MAP4K1: variants seen among roughly 807,000 people sequenced by gnomAD.
The protein encoded by MAP4K1 is mitogen-activated protein kinase kinase kinase kinase 1, also known as MAPK/ERK kinase kinase kinase 1.
A neutral mutation model predicts 122.8 loss-of-function variants in MAP4K1; 35 were observed. The observed-to-expected ratio is 0.29, with a 90% CI of 0.22 to 0.38. MAP4K1 has a LOEUF of 0.38. Among genes scored for constraint, MAP4K1 ranks in the 10% least tolerant of loss-of-function variants. The probability of loss-of-function intolerance (pLI) is 1.00; values close to 1 mark genes in which losing one functional copy is unlikely to be tolerated. For synonymous variants in MAP4K1, 412 were observed against 421.3 expected, an observed-to-expected ratio of 0.98 and a Z score of 0.27; for missense variants, 791 against 1,072.6, an observed-to-expected ratio of 0.74 and a Z score of 3.67.
rs1042030777 is a variant in MAP4K1 at position 38,605,576 on chromosome 19, G to A, written c.1355C>T (p.Ala452Val). 1.2e-5 allele frequency: 19 copies of A among 1,541,112 alleles called. No individual in the cohort carries two copies. In the African/African-American group the frequency reaches 2.6e-4, roughly 21 times the overall value. Residue 452 changes from alanine (A) to valine (V), a missense_variant, in exon 18 of 31, where the codon GCC (alanine) becomes GTC (valine). By Grantham distance (64) the Ala-to-Val change is moderately conservative. This residue lies in a region of MAP4K1 where 303 missense variants were observed against 344.8 expected (regional missense o/e 0.88). Coordinates refer to ENST00000396857, the MANE Select transcript of MAP4K1 (RefSeq NM_001042600.3). ...CTAGCCTGTCCCATTACCTGAATGG[G>A]CGGTGAGGTGGGGGCTGCTGGTGGA... ...PPSTSSPHLTAHSEPSLWNPP... is the reference protein window; with the variant it reads ...PPSTSSPHLTVHSEPSLWNPP...
At position 38,610,078 on chromosome 19, in the gene MAP4K1, GCTGGTGTGGACAGAGAGGA is replaced by G. The variant is rs1442982145; in HGVS notation, c.811-72_811-54del. ...CAGAGGGATGGTGTGGACAGAGAGG[GCTGGTGTGGACAGAGAGGA>G]CTGGTACAGGGCCTTGGGGACTGGA... is the stretch of plus-strand genomic sequence containing the variant. On this transcript the variant is annotated intron_variant, in intron 11 of 30. Transcript: ENST00000396857. The G allele has an allele frequency of 2.0e-4, 263 of 1,318,262 alleles. 2 individuals carry two copies. Among genetic ancestry groups the G allele is most frequent in the Middle Eastern group, 1.6e-3 (9 of 5,498 alleles). The allele number at this position is 1,318,262 out of a possible 1,614,324, so 81.7% of individuals were successfully genotyped here. A position where few individuals can be genotyped will look rare whatever the true frequency, so the allele number is the denominator to read the frequency against.
At position 38,600,105 on chromosome 19, in the gene MAP4K1, C is replaced by T. The variant is rs759871978; in HGVS notation, c.1580G>A (p.Arg527Gln). The T allele has an allele frequency of 1.9e-6, 3 of 1,614,022 alleles. No individual in the cohort carries two copies. Among genetic ancestry groups the T allele is most frequent in the African/African-American group, 1.3e-5 (1 of 74,918 alleles). The change falls in exon 21 of 31, where the codon CGG becomes CAG. Residue 527 changes from arginine to glutamine, a missense_variant. Arg to Gln is a conservative substitution (Grantham distance 43, BLOSUM62 1). Transcript: ENST00000396857. ...GAEEGIFILN[R>Q]NDQEATLEML... ...TTCCAGCGTGGCCTCCTGGTCATTC[C>T]GGTTCAGGATGAAGATGCCTTCCTC...
intron 4 of MAP4K1, among the ~76,000 whole-genome samples, chr19:38,615,971 TAAA>T (rs746145466): frequency 4.7e-5 from 5 of 107,388 alleles, no homozygotes; most frequent in Non-Finnish European, 1.9e-5. Flanking sequence ...GCAGTTATAT[TAAA>T]AAAAAAAAAA....
At chr19:38,603,295 C>T (rs62120353) in intron 19 of MAP4K1, among the ~76,000 whole-genome samples, 29,532 of 145,158 alleles carry the variant, frequency 0.2, 3,807 homozygotes, top group East Asian at 0.37. Context: ...TACACACACA[C>T]ATACATGTAT....
In MAP4K1 at chr19:38,613,955, G is replaced by A; in HGVS notation, c.461-3C>T. Reference sequence around the variant, plus strand: ...CTGGGCCGAGATGCCAAAGTCAGCTGGAAGCAGAGGGAGACATAGTGATCT... The same window carrying A: ...CTGGGCCGAGATGCCAAAGTCAGCTAGAAGCAGAGGGAGACATAGTGATCT... On this transcript the variant is annotated splice_polypyrimidine_tract_variant and splice_region_variant and intron_variant, in intron 7 of 30. Transcript: ENST00000396857. 6.2e-7 allele frequency: 1 copy of A among 1,614,000 alleles called. No homozygotes were observed. Among genetic ancestry groups the A allele is most frequent in the Non-Finnish European group, 8.5e-7 (1 of 1,179,968 alleles).
chr19:38,589,867 A>G (rs1430964174), intron 30 of MAP4K1, among the ~76,000 whole-genome samples: 1 of 152,042 alleles, frequency 6.6e-6, no homozygotes, highest in Admixed American at 6.6e-5. Flanking sequence ...CTGTCTGTAC[A>G]AAAAATACGA....
At position 38,617,451 on chromosome 19, in the gene MAP4K1, G is replaced by A. The variant is rs761814047; in HGVS notation, c.158-7C>T. Reference sequence around the variant, plus strand: ...AGGGTGGAGACATCATCATCTGTGAGGAGGGCGGGAGAGAAAAGGCAGCTC... The same window carrying A: ...AGGGTGGAGACATCATCATCTGTGAAGAGGGCGGGAGAGAAAAGGCAGCTC... On this transcript the variant is annotated splice_polypyrimidine_tract_variant and splice_region_variant and intron_variant, in intron 2 of 30. Transcript: ENST00000396857. The surrounding 1 kb of genome is among the most constrained non-coding windows in gnomAD (Gnocchi z 4.1). 3.7e-5 allele frequency: 59 copies of A among 1,608,288 alleles called. No homozygotes were observed. In the Admixed American group the frequency reaches 9.8e-4, roughly 27 times the overall value.
At chr19:38,606,139 GC>G in intron 17 of MAP4K1, 33 bp downstream of exon 17, 3 of 1,558,406 alleles carry the variant, frequency 1.9e-6, no homozygotes, top group Non-Finnish European at 2.6e-6. Context: ...TGGCCCTGAG[GC>G]CCCAGCCTCC....
intron 22 of MAP4K1, among the ~76,000 whole-genome samples, chr19:38,599,189 A>T (rs892280589): frequency 9.4e-5 from 12 of 128,136 alleles, no homozygotes; most frequent in African/African-American, 3.3e-4. Flanking sequence ...TAAAAAAAGT[A>T]AAAAAAAAAA....
chr19:38,590,031 A>T (rs537306451), intron 30 of MAP4K1, among the ~76,000 whole-genome samples: 9 of 150,834 alleles, frequency 6.0e-5, no homozygotes, highest in East Asian at 3.9e-4. Context: ...ATCTATCTTT[A>T]AAAAAAAAGA....
At chr19:38,590,965 T>TCACACACACA (rs58402161) in intron 30 of MAP4K1, among the ~76,000 whole-genome samples, 2 of 137,290 alleles carry the variant, frequency 1.5e-5, no homozygotes, top group Non-Finnish European at 3.2e-5. Context: ...CATTAAAAAA[T>TCACACACACA]CACACACACA....
Position 38,597,431 on chromosome 19 carries a change from A to T in MAP4K1, c.1779-47T>A. On this transcript the variant is annotated intron_variant, in intron 23 of 30. Transcript: ENST00000396857. This position sits in a 1 kb window ranked among gnomAD's most constrained non-coding sequence, Gnocchi z 4.6. Reference sequence around the variant, plus strand: ...AGGGGGGTAGGACAGCAGGAGGCAGAGGGGCATGGGAGGAATTATAAGGCT... The same window carrying T: ...AGGGGGGTAGGACAGCAGGAGGCAGTGGGGCATGGGAGGAATTATAAGGCT... 1 of 1,612,670 alleles carries T rather than the reference A, an allele frequency of 6.2e-7. No homozygotes were observed. The highest frequency in any genetic ancestry group is 8.5e-7 in the Non-Finnish European group (1 of 1,178,796).
Position 38,601,727 on chromosome 19 carries a change from G to T in MAP4K1, c.1447-202C>A, listed in dbSNP as rs551592601. 1.7e-4 allele frequency: 89 copies of T among 538,216 alleles called. 1 individual carries two copies. Among genetic ancestry groups the T allele is most frequent in the African/African-American group, 6.3e-4 (31 of 49,214 alleles). The allele number at this position is 538,216 out of a possible 1,614,324, so 33.3% of individuals were successfully genotyped here. A position where few individuals can be genotyped will look rare whatever the true frequency, so the allele number is the denominator to read the frequency against. On this transcript the variant is annotated intron_variant, in intron 19 of 30. Coordinates refer to ENST00000396857, the MANE Select transcript of MAP4K1 (RefSeq NM_001042600.3). The stretch of plus-strand genomic sequence containing the variant: ...TTTCAGTTTGTTTTTGTTTTTTTTT[G>T]TTGTTGTTATATATTTCTTTTTTTA...
At chr19:38,616,026 C>T (rs1427296678) in intron 4 of MAP4K1, among the ~76,000 whole-genome samples, 169 bp downstream of exon 4, 4 of 149,534 alleles carry the variant, frequency 2.7e-5, no homozygotes, top group African/African-American at 9.9e-5. Context: ...AGTTTCAGCA[C>T]TTCGACAGCT....
At position 38,617,773 on chromosome 19, in the gene MAP4K1, T is replaced by C. The variant is rs779240867; in HGVS notation, c.99+24A>G. The C allele has an allele frequency of 2.5e-6, 4 of 1,613,014 alleles. No individual in the cohort carries two copies. Among genetic ancestry groups the C allele is most frequent in the Non-Finnish European group, 3.4e-6 (4 of 1,179,116 alleles). On this transcript the variant is annotated intron_variant, in intron 1 of 30. Transcript: ENST00000396857. The surrounding 1 kb of genome is among the most constrained non-coding windows in gnomAD (Gnocchi z 4.1). Reference sequence around the variant, plus strand: ...CTTAAAGGTCACTGGTTGTAGGGTGTTGGGGACAGAGGGGCTTCCTCACCT... The same window carrying C: ...CTTAAAGGTCACTGGTTGTAGGGTGCTGGGGACAGAGGGGCTTCCTCACCT...
chr19:38,600,248 C>T (rs1338650008), intron 20 of MAP4K1, 95 bp from the exon 21 acceptor site: 2 of 953,374 alleles, frequency 2.1e-6, no homozygotes, highest in Non-Finnish European at 3.3e-6. Flanking sequence ...ACTCTGTCCC[C>T]AGCTCTGACC....
chr19:38,601,268 T>G, intron 20 of MAP4K1, 173 bp downstream of exon 20: 1 of 582,602 alleles, frequency 1.7e-6, no homozygotes. Context: ...GCATCTTTGA[T>G]CACCAAATCC....
Position 38,609,995 on chromosome 19 carries a change from G to T in MAP4K1, c.841C>A (p.Arg281=), listed in dbSNP as rs745506984. Residue 281 remains arginine, a synonymous_variant, in exon 12 of 31, where the codon CGA becomes AGA. Coordinates refer to ENST00000396857, the MANE Select transcript of MAP4K1 (RefSeq NM_001042600.3). ...TCAAGAAGATCCAGGATCAGGCCTCGATTCAGCCCAGGCTGGGATACCAGT... is the reference window on the plus strand; with the variant it reads ...TCAAGAAGATCCAGGATCAGGCCTCTATTCAGCCCAGGCTGGGATACCAGT... The part of the protein sequence containing the change: ...HQLVSQPGLN[R]GLILDLLDKL... 5 of 1,614,004 alleles carry T rather than the reference G, an allele frequency of 3.1e-6. No individual in the cohort carries two copies. Among genetic ancestry groups the T allele is most frequent in the Non-Finnish European group, 4.2e-6 (5 of 1,179,998 alleles).
intron 22 of MAP4K1, among the ~76,000 whole-genome samples, chr19:38,599,434 G>T (rs1271566551): frequency 6.6e-6 from 1 of 151,234 alleles, no homozygotes; most frequent in East Asian, 1.9e-4. Flanking sequence ...GGCCAAGGCA[G>T]TTGGATCACC....
Sources: allele counts gnomAD v4.1 joint callset (sites outside exome capture counted in the v4.1 genomes callset), GRCh38; gene constraint gnomAD v4.1.1; regional missense constraint gnomAD v4.1.1; non-coding constraint Gnocchi (gnomAD v3.1); transcripts MANE v1.5; gene names NCBI Gene and HGNC (gene_info 2026-07-23, HGNC 2026-07-21).